The following SGCD variants were observed in gnomAD, a reference collection of about 807,000 sequenced individuals.
SGCD encodes delta-sarcoglycan.
Under a neutral mutation model 36.6 loss-of-function variants are expected in SGCD, and 18 were observed. The ratio of observed to expected loss-of-function variants is 0.49; its 90% confidence interval spans 0.34 to 0.73. The LOEUF (loss-of-function observed/expected upper bound fraction) is 0.73, where lower values mean the gene tolerates loss of function less well. SGCD is among the 30% of genes least tolerant of loss of function. The pLI is 0.01. For missense variants in SGCD, 387 were observed against 346.7 expected, an observed-to-expected ratio of 1.12 and a Z score of -0.92; for synonymous variants, 133 against 130.6, an observed-to-expected ratio of 1.02 and a Z score of -0.12.
intron 6 of SGCD, among the ~76,000 whole-genome samples, chr5:156,642,029 A>G (rs1404664787): frequency 6.6e-6 from 1 of 152,182 alleles, no homozygotes; most frequent in African/African-American, 2.4e-5. Context: ...GTCTGAGATC[A>G]GGGTGTCAGC....
chr5:155,830,832 C>T, the SGCD span, among the ~76,000 whole-genome samples: 1 of 152,160 alleles, frequency 6.6e-6, no homozygotes. Context: ...TACCATTTTC[C>T]ACTGGTATTA....
At chr5:156,424,046 A>G (rs1272827303) in intron 3 of SGCD, among the ~76,000 whole-genome samples, 3 of 152,016 alleles carry the variant, frequency 2.0e-5, no homozygotes, top group Non-Finnish European at 4.4e-5. Context: ...TGATCTGTAC[A>G]GGGCTCTAAT....
intron 3 of SGCD, among the ~76,000 whole-genome samples, chr5:156,163,212 A>G (rs1022495018): frequency 1.3e-5 from 2 of 151,714 alleles, no homozygotes; most frequent in African/African-American, 4.9e-5. Flanking sequence ...AGAAAATACT[A>G]AAGTACTAAG....
chr5:155,750,277 T>C, the SGCD span, among the ~76,000 whole-genome samples: 1 of 152,202 alleles, frequency 6.6e-6, no homozygotes, highest in Non-Finnish European at 1.5e-5. Context: ...TTTTACACCA[T>C]TTACATAAAT....
At chr5:156,599,282 T>C (rs1169451712) in intron 6 of SGCD, among the ~76,000 whole-genome samples, 1 of 152,144 alleles carries the variant, frequency 6.6e-6, no homozygotes, top group Admixed American at 6.5e-5. Context: ...GCATCTAACA[T>C]AGCTGGGTTT....
intron 3 of SGCD, among the ~76,000 whole-genome samples, chr5:156,471,944 A>G (rs1754986500): frequency 6.7e-6 from 1 of 148,496 alleles, no homozygotes; most frequent in South Asian, 2.1e-4. Flanking sequence ...GATTTTTAAA[A>G]GGGCAAAAGA....
the SGCD span, among the ~76,000 whole-genome samples, chr5:155,738,675 A>C: frequency 1.4e-5 from 2 of 146,030 alleles, no homozygotes; most frequent in Admixed American, 6.7e-5. Flanking sequence ...TGTGTGTAGG[A>C]GAGTGTGTGT....
At chr5:155,961,819 A>G (rs1299555813) in intron 1 of SGCD, among the ~76,000 whole-genome samples, 2 of 152,108 alleles carry the variant, frequency 1.3e-5, no homozygotes, top group Non-Finnish European at 2.9e-5. Flanking sequence ...CATTGAGAAA[A>G]GTAATTTTTA....
the SGCD span, among the ~76,000 whole-genome samples, chr5:155,827,012 C>G: frequency 6.6e-6 from 1 of 152,206 alleles, no homozygotes; most frequent in East Asian, 1.9e-4. Context: ...GAGAAGTGTT[C>G]CCTATGTAAG....
At chr5:156,531,321 T>C (rs1757879865) in intron 4 of SGCD, among the ~76,000 whole-genome samples, 1 of 152,220 alleles carries the variant, frequency 6.6e-6, no homozygotes, top group Admixed American at 6.5e-5. Context: ...TTAATTTCTA[T>C]TGTCTGTAAA....
intron 1 of SGCD, among the ~76,000 whole-genome samples, chr5:155,886,141 TTA>T (rs1441445473): frequency 6.6e-6 from 1 of 152,180 alleles, no homozygotes. Flanking sequence ...GCTCTTTAGG[TTA>T]CAAGTAATAG....
At chr5:156,690,234 G>A (rs1754058807) in intron 7 of SGCD, among the ~76,000 whole-genome samples, 1 of 152,192 alleles carries the variant, frequency 6.6e-6, no homozygotes, top group Admixed American at 6.5e-5. Flanking sequence ...GAATTATGGA[G>A]TTAGGAAAGA....
intron 6 of SGCD, among the ~76,000 whole-genome samples, chr5:156,624,081 TG>T (rs1340663629): frequency 6.6e-6 from 1 of 152,150 alleles, no homozygotes; most frequent in Non-Finnish European, 1.5e-5. Context: ...TGCAATATGA[TG>T]TCTGAGAAAT....
chr5:156,683,039 G>A (rs901597303), intron 7 of SGCD, among the ~76,000 whole-genome samples: 3 of 152,172 alleles, frequency 2.0e-5, no homozygotes, highest in Non-Finnish European at 2.9e-5. Context: ...GTTATGGAAG[G>A]GAAAGGCATG....
chr5:156,124,869 C>T (rs540837467), intron 3 of SGCD, among the ~76,000 whole-genome samples: 4 of 151,930 alleles, frequency 2.6e-5, no homozygotes, highest in Non-Finnish European at 5.9e-5. Flanking sequence ...ACTATAAGCA[C>T]AACTCATAAC....
At chr5:156,424,373 G>A (rs1773573157) in intron 3 of SGCD, among the ~76,000 whole-genome samples, 1 of 151,962 alleles carries the variant, frequency 6.6e-6, no homozygotes, top group Non-Finnish European at 1.5e-5. Flanking sequence ...AACCACACAA[G>A]TGGCCTCCAA....
intron 3 of SGCD, among the ~76,000 whole-genome samples, chr5:156,309,741 C>T (rs1767340836): frequency 6.6e-6 from 1 of 151,868 alleles, no homozygotes; most frequent in Non-Finnish European, 1.5e-5. Flanking sequence ...CTGCCTCGGC[C>T]TCCCAAAGTG....
At chr5:156,341,572 G>A (rs1039604402) in intron 2 of SGCD, among the ~76,000 whole-genome samples, 1 of 152,060 alleles carries the variant, frequency 6.6e-6, no homozygotes, top group Non-Finnish European at 1.5e-5. Context: ...GGGTTGAGTG[G>A]CATTATTCTA....
chr5:156,646,883 G>A (rs1763247000), intron 6 of SGCD, among the ~76,000 whole-genome samples: 1 of 152,090 alleles, frequency 6.6e-6, no homozygotes, highest in Admixed American at 6.6e-5. Flanking sequence ...TTGGGTTTGG[G>A]ATCAATGTTA....
Sources: gnomAD v4.1 joint callset for allele counts (sites outside exome capture counted in the v4.1 genomes callset) on GRCh38, gnomAD v4.1.1 for gene constraint, MANE v1.5 for transcripts, NCBI Gene and HGNC (gene_info 2026-07-23, HGNC 2026-07-21) for gene names.